Variants in ROBO1 observed in about 807,000 individuals in gnomAD.
ROBO1 encodes roundabout homolog 1.
ROBO1 carries 149 observed loss-of-function variants against 195.9 expected under a neutral mutation model. The ratio of observed to expected loss-of-function variants is 0.76; its 90% CI spans 0.67 to 0.87. The LOEUF (loss-of-function observed/expected upper bound fraction) is 0.87, where lower values mean the gene tolerates loss of function less well. Ranked by LOEUF, ROBO1 falls within the 40% of genes least tolerant of loss-of-function variation. The pLI is 0.00. For missense variants in ROBO1, 1,933 were observed against 2,068.3 expected (o/e 0.93, Z 1.27); for synonymous variants, 816 against 733.2 (o/e 1.11, Z -1.82).
intron 2 of ROBO1, among the ~76,000 whole-genome samples, chr3:79,437,547 C>G (rs1466751904): frequency 6.6e-6 from 1 of 151,786 alleles, no homozygotes; most frequent in Non-Finnish European, 1.5e-5. Context: ...AAATGATAAT[C>G]AACAATAAAA....
At chr3:79,027,354 C>A (rs2078221128) in intron 3 of ROBO1, among the ~76,000 whole-genome samples, 1 of 152,002 alleles carries the variant, frequency 6.6e-6, no homozygotes, top group African/African-American at 2.4e-5. Context: ...CTAAAGAATT[C>A]ATTAAATTGT....
At chr3:78,675,991 A>C (rs1194650270) in intron 10 of ROBO1, among the ~76,000 whole-genome samples, 9 of 152,058 alleles carry the variant, frequency 5.9e-5, no homozygotes, top group Non-Finnish European at 1.2e-4. Context: ...CCAGAGGAAC[A>C]ATCAGACAGC....
chr3:78,994,439 A>T (rs2077312357), intron 3 of ROBO1, among the ~76,000 whole-genome samples: 1 of 152,196 alleles, frequency 6.6e-6, no homozygotes, highest in Admixed American at 6.5e-5. Flanking sequence ...TTCTTTATGT[A>T]AAAGATAGTA....
chr3:78,812,474 C>T (rs1249293077), intron 4 of ROBO1, among the ~76,000 whole-genome samples: 2 of 152,082 alleles, frequency 1.3e-5, no homozygotes, highest in African/African-American at 2.4e-5. Flanking sequence ...TCTTTCACCT[C>T]CTTCAGATCT....
intron 29 of ROBO1, among the ~76,000 whole-genome samples, chr3:78,605,076 A>G (rs1467333377): frequency 6.6e-6 from 1 of 151,942 alleles, no homozygotes; most frequent in African/African-American, 2.4e-5. Context: ...TCACTTTCCA[A>G]CTCCATACAG....
intron 4 of ROBO1, among the ~76,000 whole-genome samples, chr3:78,822,255 C>T (rs556480588): frequency 4.6e-5 from 7 of 152,148 alleles, no homozygotes; most frequent in East Asian, 1.9e-4. Flanking sequence ...TGTAGAGAAG[C>T]GGTGAAAACA....
intron 2 of ROBO1, among the ~76,000 whole-genome samples, chr3:79,282,311 C>T (rs541230898): frequency 6.6e-6 from 1 of 152,140 alleles, no homozygotes; most frequent in South Asian, 2.1e-4. Context: ...AAAAAAGAAC[C>T]CTCCTCTTTA....
chr3:79,071,321 C>T (rs1415601401), intron 3 of ROBO1, among the ~76,000 whole-genome samples: 2 of 151,732 alleles, frequency 1.3e-5, no homozygotes, highest in African/African-American at 4.8e-5. Flanking sequence ...CCTACTTCAT[C>T]CTTCCTTATT....
chr3:79,497,571 T>C (rs1939820102), intron 2 of ROBO1, among the ~76,000 whole-genome samples: 1 of 152,286 alleles, frequency 6.6e-6, no homozygotes, highest in East Asian at 1.9e-4. Flanking sequence ...AAAATAACAA[T>C]TAATGCTGAC....
chr3:79,707,298 T>C (rs954972342), intron 1 of ROBO1, among the ~76,000 whole-genome samples: 1 of 152,180 alleles, frequency 6.6e-6, no homozygotes, highest in Non-Finnish European at 1.5e-5. Context: ...TTATTCATAG[T>C]ATGCCATTAT....
intron 3 of ROBO1, among the ~76,000 whole-genome samples, chr3:79,093,501 C>T (rs145812027): frequency 1.5e-3 from 235 of 151,914 alleles, no homozygotes; most frequent in Non-Finnish European, 2.5e-3. Flanking sequence ...CAGTACATGA[C>T]GAAAACAAAA....
At chr3:78,917,676 G>A (rs372339025) in intron 4 of ROBO1, among the ~76,000 whole-genome samples, 5 of 152,118 alleles carry the variant, frequency 3.3e-5, no homozygotes, top group African/African-American at 1.2e-4. Flanking sequence ...TTAAACATCC[G>A]GAACCTTTAA....
At chr3:78,757,961 G>A (rs934683056) in intron 4 of ROBO1, among the ~76,000 whole-genome samples, 1 of 152,086 alleles carries the variant, frequency 6.6e-6, no homozygotes, top group African/African-American at 2.4e-5. Context: ...ACCTAACAGG[G>A]CTCTGAATCT....
chr3:79,089,893 C>A (rs2079443494), intron 3 of ROBO1, among the ~76,000 whole-genome samples: 1 of 150,456 alleles, frequency 6.6e-6, no homozygotes, highest in Non-Finnish European at 1.5e-5. Context: ...CAGTTGTTTG[C>A]ATTTTGGAGA....
In ROBO1 at chr3:78,600,143, T is replaced by A. The variant is rs201046832; in HGVS notation, c.4911A>T (p.Glu1637Asp). The A allele has an allele frequency of 2.1e-4, 338 of 1,613,162 alleles. No homozygotes were observed. Among genetic ancestry groups the A allele is most frequent in the Non-Finnish European group, 2.8e-4 (332 of 1,179,496 alleles). Residue 1637 changes from glutamate (E) to aspartate (D), a missense_variant, in exon 30 of 31, where the codon GAA (glutamate) becomes GAT (aspartate). By Grantham distance (45) the Glu-to-Asp change is conservative. This residue lies in a region of ROBO1 where 1,737 missense variants were observed against 1,882.5 expected (regional missense o/e 0.92). Coordinates refer to ENST00000464233, the MANE Select transcript of ROBO1 (RefSeq NM_002941.4). ...ATTCTTCATTATTATCTTCTCCTCT[T>A]TCATATCCTCCAAGTACCTGCATTT... Reference protein sequence around the residue: ...IAEMQVLGGYERGEDNNEELE... With the variant: ...IAEMQVLGGYDRGEDNNEELE...
At chr3:79,277,708 T>C (rs541437993) in intron 2 of ROBO1, among the ~76,000 whole-genome samples, 1 of 151,950 alleles carries the variant, frequency 6.6e-6, no homozygotes, top group Non-Finnish European at 1.5e-5. Flanking sequence ...ATACATTGTA[T>C]ATCTATATCA....
At chr3:79,003,271 C>G (rs1480068350) in intron 3 of ROBO1, among the ~76,000 whole-genome samples, 2 of 152,118 alleles carry the variant, frequency 1.3e-5, no homozygotes, top group Non-Finnish European at 2.9e-5. Context: ...CATGCCTTCT[C>G]TGCTTTTGTT....
chr3:78,657,664 A>G (rs1707122696), intron 17 of ROBO1, among the ~76,000 whole-genome samples: 1 of 152,206 alleles, frequency 6.6e-6, no homozygotes, highest in South Asian at 2.1e-4. Context: ...TACTCATTCA[A>G]CATTTGCATT....
chr3:79,086,793 C>G (rs1289334876), intron 3 of ROBO1, among the ~76,000 whole-genome samples: 6 of 151,948 alleles, frequency 3.9e-5, no homozygotes, highest in South Asian at 2.1e-4. Flanking sequence ...ACTAATATAT[C>G]AAAACATATT....
Sources: gnomAD v4.1 joint callset for allele counts (sites outside exome capture counted in the v4.1 genomes callset) on GRCh38, gnomAD v4.1.1 for gene constraint, gnomAD v4.1.1 regional missense constraint, MANE v1.5 for transcripts, NCBI Gene and HGNC (gene_info 2026-07-23, HGNC 2026-07-21) for gene names.